Variants in LAP3 observed in about 807,000 individuals in gnomAD.
The protein encoded by LAP3 is cytosol aminopeptidase.
In LAP3, 46 loss-of-function variants were observed where a neutral mutation model predicts 58.8. The ratio of observed to expected loss-of-function variants is 0.78; its 90% CI spans 0.62 to 1.00. The LOEUF (loss-of-function observed/expected upper bound fraction) is 1.00, where lower values mean the gene tolerates loss of function less well. LAP3 is among the 50% of genes least tolerant of loss of function. The probability of loss-of-function intolerance (pLI) is 0.00; values close to 1 mark genes in which losing one functional copy is unlikely to be tolerated. For synonymous variants in LAP3, 257 were observed against 237.7 expected (o/e 1.08, Z -0.75); for missense variants, 615 against 659.1 (o/e 0.93, Z 0.73).
rs1176744512 is a variant in LAP3, at chr4:17,586,449, TTAATC to T, written c.704+1316_704+1320del. Among the ~76,000 whole-genome samples, 17 of 152,320 alleles carry T rather than the reference TTAATC, an allele frequency of 1.1e-4. No homozygotes were observed. In the East Asian group the frequency reaches 2.3e-3, roughly 21 times the overall value. On this transcript the variant is annotated intron_variant, in intron 6 of 12. Coordinates refer to ENST00000226299, the MANE Select transcript of LAP3 (RefSeq NM_015907.3). ...AATTTCTGGAATGGTTAGTATATGT[TTAATC>T]TATAGCAATGTTTAGGTTCTATAAA...
In LAP3 at chr4:17,607,684, C is replaced by A; in HGVS notation, c.*95C>A. 2 of 929,772 alleles carry A rather than the reference C, an allele frequency of 2.2e-6. No homozygotes were observed. Among genetic ancestry groups the A allele is most frequent in the Admixed American group, 3.1e-5 (1 of 32,446 alleles). The allele number at this position is 929,772 out of a possible 1,614,324, so 57.6% of individuals were successfully genotyped here. ...ATGGATGAAAATCTTTTAACGGAGA[C>A]AAAGGATGGTATTTAAAAATGTAGA... On this transcript the variant is annotated 3_prime_UTR_variant, in exon 13 of 13. Transcript: ENST00000226299.
chr4:17,581,788 A>C lies in LAP3; in HGVS notation c.247A>C (p.Thr83Pro). The change falls in exon 3 of 13, where the codon ACT (threonine) becomes CCT (proline). Residue 83 changes from threonine to proline, a missense_variant. Thr to Pro is a conservative substitution (Grantham distance 38). Transcript: ENST00000226299. ...TGGACCACCTCTGAAGGCAGGGAAGACTCGAACCTTTTATGGTCTGCATCA... is the reference window on the plus strand; with the variant it reads ...TGGACCACCTCTGAAGGCAGGGAAGCCTCGAACCTTTTATGGTCTGCATCA... Reference protein sequence around the residue: ...ISGPPLKAGKTRTFYGLHQDF... With the variant: ...ISGPPLKAGKPRTFYGLHQDF... The C allele has an allele frequency of 6.2e-7, 1 of 1,613,868 alleles. No homozygotes were observed. The highest frequency in any genetic ancestry group is 1.1e-5 in the South Asian group (1 of 91,062).
intron 7 of LAP3, among the ~76,000 whole-genome samples, chr4:17,589,760 A>G (rs1024267437): frequency 6.6e-6 from 1 of 152,190 alleles, no homozygotes; most frequent in Non-Finnish European, 1.5e-5. Context: ...TGCTCTGCCT[A>G]AAGTGTCTTC....
At chr4:17,583,389 C>A in intron 4 of LAP3, 94 bp from the exon 5 acceptor site, 2 of 1,346,040 alleles carry the variant, frequency 1.5e-6, no homozygotes, top group Non-Finnish European at 2.1e-6. Flanking sequence ...AACCCCAGGG[C>A]TGTTTTCTCA....
chr4:17,604,988 T>C (rs181141914), intron 11 of LAP3, among the ~76,000 whole-genome samples: 1 of 152,260 alleles, frequency 6.6e-6, no homozygotes, highest in Non-Finnish European at 1.5e-5. Context: ...GAGCAGCGTT[T>C]GTGACTGCGT....
chr4:17,577,252 T>TGCGGGCGCACACGAC lies in LAP3; in HGVS notation c.-214_-213insGCGGGCGCACACGAC. 7.2e-6 allele frequency: 1 copy of TGCGGGCGCACACGAC among 139,294 alleles called. No individual in the cohort carries two copies. Among genetic ancestry groups the TGCGGGCGCACACGAC allele is most frequent in the Non-Finnish European group, 1.2e-5 (1 of 83,850 alleles). 8.6% of individuals were successfully genotyped at this position (139,294 alleles called of 1,614,324 possible). A position where few individuals can be genotyped will look rare whatever the true frequency, so the allele number is the denominator to read the frequency against. On this transcript the variant is annotated 5_prime_UTR_variant, in exon 1 of 13. Transcript: ENST00000226299. The stretch of plus-strand genomic sequence containing the variant: ...GGCGCACACGAATGCGGGCGCACCC[T>TGCGGGCGCACACGAC]TGAGTCCCCTCCACAACCGCGGTTT...
rs781406299 is a variant in LAP3 at position 17,583,602 on chromosome 4, C to CA, written c.506dup (p.Lys170GlufsTer40). ...TCTCTATGAATACGATGACCTAAAG[C>CA]AAAAAAAGAAGATGGCTGTGTCGGC... On this transcript the variant is annotated frameshift_variant, in exon 5 of 13. Transcript: ENST00000226299. LOFTEE classifies it high-confidence loss of function. 2.5e-6 allele frequency: 4 copies of CA among 1,613,808 alleles called. No homozygotes were observed. Among genetic ancestry groups the CA allele is most frequent in the East Asian group, 4.5e-5 (2 of 44,862 alleles).
intron 1 of LAP3, among the ~76,000 whole-genome samples, chr4:17,579,151 G>GT (rs1179206966): frequency 1.3e-5 from 2 of 152,222 alleles, no homozygotes; most frequent in African/African-American, 4.8e-5. Flanking sequence ...ACAATGCATT[G>GT]TGGGGGTGTG....
chr4:17,591,046 G>A (rs1302597010), intron 7 of LAP3, among the ~76,000 whole-genome samples: 1 of 150,460 alleles, frequency 6.6e-6, no homozygotes, highest in Non-Finnish European at 1.5e-5. Context: ...TAGGATTACA[G>A]GTGTGAGCCA....
chr4:17,581,729 G>A, intron 2 of LAP3, 31 bp from the exon 3 acceptor site: 1 of 1,600,052 alleles, frequency 6.2e-7, no homozygotes, highest in Non-Finnish European at 8.6e-7. Flanking sequence ...CAAAATACTT[G>A]TTTTAAAACG....
chr4:17,579,874 G>A lies in LAP3; in HGVS notation c.153G>A (p.Gln51=), dbSNP rs149954245. The A allele has an allele frequency of 2.0e-5, 33 of 1,611,000 alleles. No individual in the cohort carries two copies. The African/African-American group carries it at 4.1e-4, about 20-fold the overall frequency. The part of the protein sequence containing the change: ...YSKEKEDDVP[Q]FTSAGENFDK... ...AAGAAAAAGAAGATGATGTGCCACA[G>A]TTCACAAGTGCAGGAGAGAATTTTG... Residue 51 remains glutamine, a synonymous_variant, in exon 2 of 13, where the codon CAG becomes CAA. Coordinates refer to ENST00000226299, the MANE Select transcript of LAP3 (RefSeq NM_015907.3).
In LAP3 at chr4:17,606,847, G is replaced by A; in HGVS notation, c.1279G>A (p.Asp427Asn). Residue 427 changes from aspartate to asparagine, a missense_variant, in exon 12 of 13, where the codon GAC (aspartate) becomes AAC (asparagine). By Grantham distance (23) the Asp-to-Asn change is conservative (BLOSUM62 1). Coordinates refer to ENST00000226299, the MANE Select transcript of LAP3 (RefSeq NM_015907.3). ...KLFEASIETG[D>N]RVWRMPLFEH... Reference sequence around the variant, plus strand: ...TCTCTAGGCCAGCATTGAAACAGGGGACCGTGTCTGGAGGATGCCTCTCTT... The same window carrying A: ...TCTCTAGGCCAGCATTGAAACAGGGAACCGTGTCTGGAGGATGCCTCTCTT... 1 of 1,612,104 alleles carries A rather than the reference G, an allele frequency of 6.2e-7. No individual in the cohort carries two copies. The highest frequency in any genetic ancestry group is 8.5e-7 in the Non-Finnish European group (1 of 1,179,692).
intron 10 of LAP3, among the ~76,000 whole-genome samples, chr4:17,603,501 A>G (rs1714030107): frequency 8.5e-6 from 1 of 117,878 alleles, no homozygotes; most frequent in Non-Finnish European, 1.7e-5. Context: ...CTACAGCAAG[A>G]AATCTTTTTT....
At chr4:17,585,514 T>A (rs7675735) in intron 6 of LAP3, 100,794 of 163,944 alleles carry the variant, frequency 0.61, 31,858 homozygotes, top group East Asian at 0.88. Context: ...ATGGGCTCAA[T>A]TTCCTGGGCT....
rs528987425 is a variant in LAP3 at position 17,595,260 on chromosome 4, G to A, written c.864-150G>A. Reference sequence around the variant, plus strand: ...GCACCGTGTTAGCCAGGATGGTCTCGATCTCCTGACCTCGTGATCCGCCCA... The same window carrying A: ...GCACCGTGTTAGCCAGGATGGTCTCAATCTCCTGACCTCGTGATCCGCCCA... On this transcript the variant is annotated intron_variant, in intron 7 of 12. Coordinates refer to ENST00000226299, the MANE Select transcript of LAP3 (RefSeq NM_015907.3). The A allele has an allele frequency of 1.7e-5, 12 of 725,604 alleles. No individual in the cohort carries two copies. The South Asian group carries it at 1.9e-4, about 12-fold the overall frequency. 44.9% of individuals were successfully genotyped at this position (725,604 alleles called of 1,614,324 possible). A position where few individuals can be genotyped will look rare whatever the true frequency, so the allele number is the denominator to read the frequency against.
At chr4:17,600,992 T>A (rs1713970391) in intron 10 of LAP3, among the ~76,000 whole-genome samples, 1 of 152,178 alleles carries the variant, frequency 6.6e-6, no homozygotes, top group Admixed American at 6.5e-5. Context: ...GATGTTACTG[T>A]CCTTTGCCTT....
intron 7 of LAP3, among the ~76,000 whole-genome samples, chr4:17,593,006 C>T (rs534289695): frequency 2.7e-4 from 41 of 152,282 alleles, no homozygotes; most frequent in Admixed American, 2.4e-3. Flanking sequence ...ACCATGTTGG[C>T]CAGGCTGGTC....
chr4:17,590,791 C>A lies in LAP3; in HGVS notation c.863+1814C>A, dbSNP rs372169221. 9.1e-4 allele frequency among the ~76,000 whole-genome samples: 139 copies of A among 152,088 alleles called. 5 individuals are homozygous for A. The South Asian group carries it at 0.026, about 29-fold the overall frequency. On this transcript the variant is annotated intron_variant, in intron 7 of 12. Coordinates refer to ENST00000226299, the MANE Select transcript of LAP3 (RefSeq NM_015907.3). ...TTTCAGCTTGTTAGCCAGGTGGTCT[C>A]GATCTCCTGACCTCGTCATCTGCCC... is the stretch of plus-strand genomic sequence containing the variant.
At chr4:17,579,572 G>A (rs1311492967) in intron 1 of LAP3, among the ~76,000 whole-genome samples, 4 of 152,186 alleles carry the variant, frequency 2.6e-5, no homozygotes, top group African/African-American at 9.7e-5. Context: ...TCTCCTAGGA[G>A]TGAGCACAGA....
Sources: gnomAD v4.1 joint callset for allele counts (sites outside exome capture counted in the v4.1 genomes callset) on GRCh38, gnomAD v4.1.1 for gene constraint, MANE v1.5 for transcripts, NCBI Gene and HGNC (gene_info 2026-07-23, HGNC 2026-07-21) for gene names.